Variants in TENT5A observed in about 807,000 individuals in gnomAD.
TENT5A encodes terminal nucleotidyltransferase 5A, also known as HBV X-transactivated gene 11 protein.
In TENT5A, 9 loss-of-function variants were observed where a neutral mutation model predicts 30.2. That is an observed-to-expected ratio of 0.30 (90% CI 0.18 to 0.52). The LOEUF is 0.52. TENT5A is among the 20% of genes least tolerant of loss of function. The pLI is 0.97. For missense variants in TENT5A, 411 were observed against 566.1 expected, an observed-to-expected ratio of 0.73 and a Z score of 2.78; for synonymous variants, 264 against 234.2, an observed-to-expected ratio of 1.13 and a Z score of -1.16.
rs1290071496 is a variant in TENT5A, at chr6:81,751,876, T to C, written c.266A>G (p.Asn89Ser). The C allele has an allele frequency of 6.2e-7, 1 of 1,613,126 alleles. No homozygotes were observed. Among genetic ancestry groups the C allele is most frequent in the Non-Finnish European group, 8.5e-7 (1 of 1,179,884 alleles). ...CGGCTGCAGCTCGAGCGTGGGGAAG[T>C]TGCCGCGCCCGTGAATCGGAATGGT... Reference protein sequence around the residue: ...SETIPIHGRGNFPTLELQPSL... With the variant: ...SETIPIHGRGSFPTLELQPSL... The change falls in exon 2 of 3, where the codon AAC becomes AGC. Residue 89 changes from asparagine to serine, a missense_variant. This residue lies in a region of TENT5A where 157 missense variants were observed against 183.2 expected (regional missense o/e 0.86). Coordinates refer to ENST00000320172, the MANE Select transcript of TENT5A (RefSeq NM_017633.3).
rs1240082608 is a variant in TENT5A, at chr6:81,747,227, C to A, written c.*2468G>T. 7.1e-6 allele frequency: 7 copies of A among 985,506 alleles called. No individual in the cohort carries two copies. The highest frequency in any genetic ancestry group is 5.2e-4 in the Middle Eastern group (1 of 1,914). The allele number at this position is 985,506 out of a possible 1,614,324, so 61.0% of individuals were successfully genotyped here. A position where few individuals can be genotyped will look rare whatever the true frequency, so the allele number is the denominator to read the frequency against. ...CTGCTCCTGTGTTCACAAGTGCTCC[C>A]CTAGTTTTCTTTCAGAAAACTTTGA... On this transcript the variant is annotated 3_prime_UTR_variant, in exon 3 of 3. Transcript: ENST00000320172.
chr6:81,748,299 C>T lies in TENT5A; in HGVS notation c.*1396G>A. Reference sequence around the variant, plus strand: ...AATTTTTTTTTTAATAAATGGGTTCCAACTGTCAAAATGGCAGTTCAATAT... The same window carrying T: ...AATTTTTTTTTTAATAAATGGGTTCTAACTGTCAAAATGGCAGTTCAATAT... On this transcript the variant is annotated 3_prime_UTR_variant, in exon 3 of 3. Coordinates refer to ENST00000320172, the MANE Select transcript of TENT5A (RefSeq NM_017633.3). The T allele has an allele frequency of 4.1e-6, 4 of 979,380 alleles. No homozygotes were observed. The highest frequency in any genetic ancestry group is 4.8e-6 in the Non-Finnish European group (4 of 828,270). The allele number at this position is 979,380 out of a possible 1,614,324, so 60.7% of individuals were successfully genotyped here.
chr6:81,749,161 C>T lies in TENT5A; in HGVS notation c.*534G>A. 1 of 985,960 alleles carries T rather than the reference C, an allele frequency of 1.0e-6. No homozygotes were observed. Among genetic ancestry groups the T allele is most frequent in the Non-Finnish European group, 1.2e-6 (1 of 830,044 alleles). The allele number at this position is 985,960 out of a possible 1,614,324, so 61.1% of individuals were successfully genotyped here. A position where few individuals can be genotyped will look rare whatever the true frequency, so the allele number is the denominator to read the frequency against. On this transcript the variant is annotated 3_prime_UTR_variant, in exon 3 of 3. Coordinates refer to ENST00000320172, the MANE Select transcript of TENT5A (RefSeq NM_017633.3). The stretch of plus-strand genomic sequence containing the variant: ...TTGTTAGCAAAACAAGATCATTCCA[C>T]AGAAAGCACTTGCTACAAGCCTCAG...
rs934867896 is a variant in TENT5A, at chr6:81,746,450, C to T, written c.*3245G>A. ...TTGGTTTGGATTACACATATTCTTCCATCCTTGCATTTTTGGAGCTACATT... is the reference window on the plus strand; with the variant it reads ...TTGGTTTGGATTACACATATTCTTCTATCCTTGCATTTTTGGAGCTACATT... On this transcript the variant is annotated 3_prime_UTR_variant, in exon 3 of 3. Transcript: ENST00000320172. 4.0e-5 allele frequency: 49 copies of T among 1,231,748 alleles called. No homozygotes were observed. Among genetic ancestry groups the T allele is most frequent in the African/African-American group, 4.7e-5 (3 of 64,402 alleles). 76.3% of individuals were successfully genotyped at this position (1,231,748 alleles called of 1,614,324 possible).
chr6:81,747,538 A>T lies in TENT5A; in HGVS notation c.*2157T>A. The T allele has an allele frequency of 1.0e-6, 1 of 985,758 alleles. No homozygotes were observed. Among genetic ancestry groups the T allele is most frequent in the Non-Finnish European group, 1.2e-6 (1 of 829,920 alleles). The allele number at this position is 985,758 out of a possible 1,614,324, so 61.1% of individuals were successfully genotyped here. ...GCACAAAAGGTAGTCCAGACGGATT[A>T]ACCTGGATTAACCTAGCACTAAGCA... On this transcript the variant is annotated 3_prime_UTR_variant, in exon 3 of 3. Transcript: ENST00000320172.
At position 81,748,644 on chromosome 6, in the gene TENT5A, T is replaced by C. The variant is rs1768934693; in HGVS notation, c.*1051A>G. 4 of 911,166 alleles carry C rather than the reference T, an allele frequency of 4.4e-6. No individual in the cohort carries two copies. Among genetic ancestry groups the C allele is most frequent in the African/African-American group, 3.6e-5 (2 of 55,834 alleles). The allele number at this position is 911,166 out of a possible 1,614,324, so 56.4% of individuals were successfully genotyped here. A position where few individuals can be genotyped will look rare whatever the true frequency, so the allele number is the denominator to read the frequency against. On this transcript the variant is annotated 3_prime_UTR_variant, in exon 3 of 3. Transcript: ENST00000320172. ...ATACATATAAAATGTATATATAAAA[T>C]GTATATATACACACACACATATAAT...
rs1768935474 is a variant in TENT5A at position 81,748,673 on chromosome 6, TAC to T, written c.*1020_*1021del. On this transcript the variant is annotated 3_prime_UTR_variant, in exon 3 of 3. Coordinates refer to ENST00000320172, the MANE Select transcript of TENT5A (RefSeq NM_017633.3). ...TATATACACACACACATATAATTTA[TAC>T]ACACATACACATGTACCTATGATAA... 1.1e-6 allele frequency: 1 copy of T among 940,448 alleles called. No individual in the cohort carries two copies. Among genetic ancestry groups the T allele is most frequent in the Non-Finnish European group, 1.3e-6 (1 of 788,870 alleles). The allele number at this position is 940,448 out of a possible 1,614,324, so 58.3% of individuals were successfully genotyped here. A position where few individuals can be genotyped will look rare whatever the true frequency, so the allele number is the denominator to read the frequency against.
rs1345833359 is a variant in TENT5A, at chr6:81,749,470, A to G, written c.*225T>C. On this transcript the variant is annotated 3_prime_UTR_variant, in exon 3 of 3. Coordinates refer to ENST00000320172, the MANE Select transcript of TENT5A (RefSeq NM_017633.3). ...CTCTTTTTTTGCAGGATAGAATCCAATTGGGTAGGAGAATAAGAGAAGGGA... is the reference window on the plus strand; with the variant it reads ...CTCTTTTTTTGCAGGATAGAATCCAGTTGGGTAGGAGAATAAGAGAAGGGA... 5 of 1,285,916 alleles carry G rather than the reference A, an allele frequency of 3.9e-6. No individual in the cohort carries two copies. The African/African-American group carries it at 6.1e-5, about 16-fold the overall frequency. 79.7% of individuals were successfully genotyped at this position (1,285,916 alleles called of 1,614,324 possible).
At position 81,752,413 on chromosome 6, in the gene TENT5A, G is replaced by A. The variant is rs2127727142; in HGVS notation, c.-38+18C>T. On this transcript the variant is annotated intron_variant, in intron 1 of 2. Coordinates refer to ENST00000320172, the MANE Select transcript of TENT5A (RefSeq NM_017633.3). ...TGATGCATCTGGAAAGCGCAAGCGAGAGTCCCGTCTGTGTCACCTGGAGGC... is the reference window on the plus strand; with the variant it reads ...TGATGCATCTGGAAAGCGCAAGCGAAAGTCCCGTCTGTGTCACCTGGAGGC... The A allele has an allele frequency of 6.5e-7, 1 of 1,550,160 alleles. No individual in the cohort carries two copies. The highest frequency in any genetic ancestry group is 1.2e-5 in the South Asian group (1 of 84,064).
Position 81,746,711 on chromosome 6 carries a change from T to A in TENT5A, c.*2984A>T, listed in dbSNP as rs1173394661. The A allele has an allele frequency of 8.1e-6, 10 of 1,227,224 alleles. No individual in the cohort carries two copies. The highest frequency in any genetic ancestry group is 1.0e-5 in the Non-Finnish European group (10 of 985,400). 76.0% of individuals were successfully genotyped at this position (1,227,224 alleles called of 1,614,324 possible). On this transcript the variant is annotated 3_prime_UTR_variant, in exon 3 of 3. Coordinates refer to ENST00000320172, the MANE Select transcript of TENT5A (RefSeq NM_017633.3). ...TAAAGAAACAGCACACTAGGCCAGATAAACACAAAAGGAAACAAATCACAG... is the reference window on the plus strand; with the variant it reads ...TAAAGAAACAGCACACTAGGCCAGAAAAACACAAAAGGAAACAAATCACAG...
Position 81,746,094 on chromosome 6 carries a change from A to T in TENT5A, c.*3601T>A, listed in dbSNP as rs1768879756. 3.1e-6 allele frequency: 3 copies of T among 982,070 alleles called. No homozygotes were observed. The highest frequency in any genetic ancestry group is 6.1e-5 in the Admixed American group (1 of 16,290). 60.8% of individuals were successfully genotyped at this position (982,070 alleles called of 1,614,324 possible). A position where few individuals can be genotyped will look rare whatever the true frequency, so the allele number is the denominator to read the frequency against. ...GCTTTGTTAGAAAGCCATTATTTTA[A>T]CAAAATATAACATAGAGATTCTTTC... On this transcript the variant is annotated 3_prime_UTR_variant, in exon 3 of 3. Transcript: ENST00000320172.
chr6:81,749,085 ATTG>A lies in TENT5A; in HGVS notation c.*607_*609del. On this transcript the variant is annotated 3_prime_UTR_variant, in exon 3 of 3. Transcript: ENST00000320172. ...GATTGTGTCATCATAAGTTCTGCTG[ATTG>A]TTACGAGAACTGCACCAACCTACTA... 5 of 985,808 alleles carry A rather than the reference ATTG, an allele frequency of 5.1e-6. No individual in the cohort carries two copies. The highest frequency in any genetic ancestry group is 6.0e-6 in the Non-Finnish European group (5 of 829,924). The allele number at this position is 985,808 out of a possible 1,614,324, so 61.1% of individuals were successfully genotyped here.
Position 81,751,575 on chromosome 6 carries a change from C to T in TENT5A, c.552+15G>A, listed in dbSNP as rs1307838820. ...AGACTGGGTCAGGACCCAAGTGCAT[C>T]TCGGGTGGTGTTACCTTGAGCGTGA... On this transcript the variant is annotated intron_variant, in intron 2 of 2. Transcript: ENST00000320172. 6.3e-7 allele frequency: 1 copy of T among 1,588,040 alleles called. No homozygotes were observed. The highest frequency in any genetic ancestry group is 1.3e-5 in the African/African-American group (1 of 74,628).
Position 81,749,429 on chromosome 6 carries a change from T to C in TENT5A, c.*266A>G. On this transcript the variant is annotated 3_prime_UTR_variant, in exon 3 of 3. Coordinates refer to ENST00000320172, the MANE Select transcript of TENT5A (RefSeq NM_017633.3). Reference sequence around the variant, plus strand: ...TCTTGTATCAGGAGAACCTGGTTGCTTCTAATGACAGGTCTCTCTTTTTTT... The same window carrying C: ...TCTTGTATCAGGAGAACCTGGTTGCCTCTAATGACAGGTCTCTCTTTTTTT... 2.5e-6 allele frequency: 3 copies of C among 1,204,142 alleles called. No homozygotes were observed. Among genetic ancestry groups the C allele is most frequent in the Non-Finnish European group, 3.1e-6 (3 of 969,180 alleles). The allele number at this position is 1,204,142 out of a possible 1,614,324, so 74.6% of individuals were successfully genotyped here. A position where few individuals can be genotyped will look rare whatever the true frequency, so the allele number is the denominator to read the frequency against.
In TENT5A at chr6:81,752,623, C is replaced by T. The variant is rs1769073989; in HGVS notation, c.-230G>A. 1 of 726,424 alleles carries T rather than the reference C, an allele frequency of 1.4e-6. No homozygotes were observed. The highest frequency in any genetic ancestry group is 1.7e-5 in the African/African-American group (1 of 57,418). 45.0% of individuals were successfully genotyped at this position (726,424 alleles called of 1,614,324 possible). A position where few individuals can be genotyped will look rare whatever the true frequency, so the allele number is the denominator to read the frequency against. On this transcript the variant is annotated 5_prime_UTR_variant, in exon 1 of 3. Transcript: ENST00000320172. Reference sequence around the variant, plus strand: ...GCTGCCACCCCAGCTGCGGTGGTCCCGAACTGGCGGCTCTTGCTGCCACAC... The same window carrying T: ...GCTGCCACCCCAGCTGCGGTGGTCCTGAACTGGCGGCTCTTGCTGCCACAC...
Position 81,747,401 on chromosome 6 carries a change from G to A in TENT5A, c.*2294C>T. 1 of 985,886 alleles carries A rather than the reference G, an allele frequency of 1.0e-6. No homozygotes were observed. The highest frequency in any genetic ancestry group is 1.2e-6 in the Non-Finnish European group (1 of 829,960). The allele number at this position is 985,886 out of a possible 1,614,324, so 61.1% of individuals were successfully genotyped here. On this transcript the variant is annotated 3_prime_UTR_variant, in exon 3 of 3. Transcript: ENST00000320172. ...CTGAGCCAAGATGGTAGTAGGAGGA[G>A]TTCCTTAGAAAACTGAGTGGCAGTG...
In TENT5A at chr6:81,750,402, T is replaced by C; in HGVS notation, c.622A>G (p.Asn208Asp). The C allele has an allele frequency of 6.2e-7, 1 of 1,612,748 alleles. No homozygotes were observed. Among genetic ancestry groups the C allele is most frequent in the Non-Finnish European group, 8.5e-7 (1 of 1,179,466 alleles). ...AGTTCCACATTTTTGCCACTGTTGTTTGACAGGGATATAAGACTCCATCGG... is the reference window on the plus strand; with the variant it reads ...AGTTCCACATTTTTGCCACTGTTGTCTGACAGGGATATAAGACTCCATCGG... ...SDRWSLISLSNNSGKNVELKF... is the reference protein window; with the variant it reads ...SDRWSLISLSDNSGKNVELKF... Residue 208 changes from asparagine (N) to aspartate (D), a missense_variant, in exon 3 of 3, where the codon AAC becomes GAC. Physicochemically the swap from Asn to Asp is conservative, Grantham distance 23 (BLOSUM62 1). Around this residue, in one of 5 missense-constraint regions of TENT5A, gnomAD observed 135 missense variants for 240.0 expected, o/e 0.56. Coordinates refer to ENST00000320172, the MANE Select transcript of TENT5A (RefSeq NM_017633.3). The surrounding 1 kb of genome is among the most constrained non-coding windows in gnomAD (Gnocchi z 4.2).
In TENT5A at chr6:81,752,015, C is replaced by G. The variant is rs750399863; in HGVS notation, c.127G>C (p.Gly43Arg). 24 of 1,129,554 alleles carry G rather than the reference C, an allele frequency of 2.1e-5. No individual in the cohort carries two copies. Among genetic ancestry groups the G allele is most frequent in the Admixed American group, 2.7e-5 (1 of 36,602 alleles). The allele number at this position is 1,129,554 out of a possible 1,614,324, so 70.0% of individuals were successfully genotyped here. Residue 43 changes from glycine to arginine, a missense_variant, in exon 2 of 3, where the codon GGC (glycine) becomes CGC (arginine). Physicochemically the swap from Gly to Arg is moderately radical, Grantham distance 125. Transcript: ENST00000320172. ...GGGDFGGGDF[G>R]GGGSFGGHCL... The stretch of plus-strand genomic sequence containing the variant: ...TGCCCACCGAAGCTGCCGCCACCGC[C>G]GAAGTCGCCGCCGCCGAAGTCGCCG...
chr6:81,748,165 A>T lies in TENT5A; in HGVS notation c.*1530T>A, dbSNP rs1164209377. On this transcript the variant is annotated 3_prime_UTR_variant, in exon 3 of 3. Coordinates refer to ENST00000320172, the MANE Select transcript of TENT5A (RefSeq NM_017633.3). Reference sequence around the variant, plus strand: ...AATGCATTCATTAAAATTCATTTAAACATTAGCAAGTAGTGTTTAGATCAC... The same window carrying T: ...AATGCATTCATTAAAATTCATTTAATCATTAGCAAGTAGTGTTTAGATCAC... The T allele has an allele frequency of 5.2e-5, 51 of 985,286 alleles. No homozygotes were observed. Among genetic ancestry groups the T allele is most frequent in the Non-Finnish European group, 5.9e-5 (49 of 829,632 alleles). 61.0% of individuals were successfully genotyped at this position (985,286 alleles called of 1,614,324 possible).
Sources: gnomAD v4.1 joint callset for allele counts on GRCh38, gnomAD v4.1.1 for gene constraint, gnomAD v4.1.1 regional missense constraint, Gnocchi (gnomAD v3.1) non-coding constraint, MANE v1.5 for transcripts, NCBI Gene and HGNC (gene_info 2026-07-23, HGNC 2026-07-21) for gene names.